The following VBP1 variants were observed in gnomAD, a reference collection of about 807,000 sequenced individuals.
VBP1 encodes prefoldin subunit 3.
In VBP1, 4 loss-of-function variants were observed where a neutral mutation model predicts 15.5. That is an observed-to-expected ratio of 0.26 (90% CI 0.13 to 0.59). The LOEUF (loss-of-function observed/expected upper bound fraction) is 0.59. Among genes scored for constraint, VBP1 ranks in the 20% least tolerant of loss-of-function variants. VBP1 has a pLI of 0.90. For synonymous variants in VBP1, 61 were observed against 52.1 expected, an observed-to-expected ratio of 1.17 and a Z score of -0.74; for missense variants, 108 against 139.6, an observed-to-expected ratio of 0.77 and a Z score of 1.14.
chrX:155,211,447 C>A (rs1375809321), intron 2 of VBP1, among the ~76,000 whole-genome samples: 1 of 111,596 alleles, frequency 9.0e-6, no homozygotes, highest in Admixed American at 9.5e-5. Flanking sequence ...AGTGTGAGGC[C>A]CAGAGAAGCA....
chrX:155,233,991 T>C (rs782387683), intron 4 of VBP1, among the ~76,000 whole-genome samples: 70 of 110,696 alleles, frequency 6.3e-4, no homozygotes, highest in Admixed American at 1.6e-3. Context: ...AGGATATAGC[T>C]AACCTGCATA....
chrX:155,202,109 GA>G (rs2074606835), intron 1 of VBP1, among the ~76,000 whole-genome samples: 1 of 111,688 alleles, frequency 9.0e-6, no homozygotes, highest in African/African-American at 3.3e-5. Context: ...TGAAATAAAA[GA>G]GGATACAAAG....
Position 155,216,513 on chromosome X carries a change from G to A in VBP1, c.31G>A (p.Gly11Arg). The A allele has an allele frequency of 1.5e-5, 17 of 1,171,494 alleles. No homozygotes were observed. Among genetic ancestry groups the A allele is most frequent in the Non-Finnish European group, 1.9e-5 (17 of 874,502 alleles). MAAVKDSCGK[G>R]EMATGNGRRL... ...GGCCGTTAAGGACAGTTGTGGCAAA[G>A]GAGAAATGGCCACAGGGAATGGGCG... Residue 11 changes from glycine (G) to arginine (R), a missense_variant, in exon 1 of 6, where the codon GGA (glycine) becomes AGA (arginine). Gly to Arg is a moderately radical substitution (Grantham distance 125, BLOSUM62 -2). Coordinates refer to ENST00000286428, the MANE Select transcript of VBP1 (RefSeq NM_003372.7).
At chrX:155,204,892 C>T (rs1343354412) in intron 1 of VBP1, among the ~76,000 whole-genome samples, 3 of 111,454 alleles carry the variant, frequency 2.7e-5, no homozygotes, top group African/African-American at 9.8e-5. Flanking sequence ...TTTTATTTGC[C>T]ATTTTGCTGT....
At chrX:155,211,147 T>C (rs1194272733) in intron 2 of VBP1, among the ~76,000 whole-genome samples, 1 of 112,003 alleles carries the variant, frequency 8.9e-6, no homozygotes, top group African/African-American at 3.2e-5. Context: ...AGGTCTTCCA[T>C]GCAAGATGGA....
intron 1 of VBP1, among the ~76,000 whole-genome samples, chrX:155,217,804 A>G (rs148550598): frequency 9.0e-6 from 1 of 111,355 alleles, no homozygotes; most frequent in East Asian, 2.8e-4. Context: ...GGGGCACTTG[A>G]GTAACTTGCC....
chrX:155,210,716 T>C (rs2074641924), intron 2 of VBP1, among the ~76,000 whole-genome samples: 1 of 112,034 alleles, frequency 8.9e-6, no homozygotes, highest in Non-Finnish European at 1.9e-5. Flanking sequence ...GCTGATGGCA[T>C]CATTTTGCTG....
At chrX:155,226,234 G>A (rs1405478620) in intron 2 of VBP1, among the ~76,000 whole-genome samples, 1 of 111,550 alleles carries the variant, frequency 9.0e-6, no homozygotes, top group African/African-American at 3.3e-5. Flanking sequence ...AAACCCCAGT[G>A]ACAAAAACGG....
chrX:155,236,466 C>T, intron 5 of VBP1, 99 bp downstream of exon 5: 3 of 961,109 alleles, frequency 3.1e-6, no homozygotes, highest in Non-Finnish European at 4.2e-6. Flanking sequence ...GGAAAAATAG[C>T]TGATGCATGC....
chrX:155,237,289 C>G (rs2074778386), intron 5 of VBP1, among the ~76,000 whole-genome samples: 1 of 110,756 alleles, frequency 9.0e-6, no homozygotes, highest in Non-Finnish European at 1.9e-5. Flanking sequence ...TTCCTCACTA[C>G]CAATAATAAA....
upstream of VBP1, chrX:155,216,229 A>C: frequency 2.0e-6 from 1 of 498,600 alleles, no homozygotes; most frequent in East Asian, 4.3e-5. Flanking sequence ...AGGAGGACGT[A>C]TGGGTTTTTC....
At chrX:155,229,022 C>T (rs1386092604) in intron 4 of VBP1, among the ~76,000 whole-genome samples, 1 of 111,958 alleles carries the variant, frequency 8.9e-6, no homozygotes, top group Non-Finnish European at 1.9e-5. Flanking sequence ...TCTCAGTCCT[C>T]TGACTATCCA....
chrX:155,201,451 T>G (rs2124033923), intron 1 of VBP1, among the ~76,000 whole-genome samples: 1 of 96,315 alleles, frequency 1.0e-5, no homozygotes, highest in African/African-American at 4.1e-5. Context: ...CAAGGCTGGT[T>G]CAATATACAC....
In VBP1 at chrX:155,236,366, C is replaced by T; in HGVS notation, c.522C>T (p.Val174=). The T allele has an allele frequency of 8.4e-7, 1 of 1,193,933 alleles. No individual in the cohort carries two copies. Among genetic ancestry groups the T allele is most frequent in the Non-Finnish European group, 1.1e-6 (1 of 889,099 alleles). ...GAGATCAATTTACTACCACAGAAGTCAGTATCCTTTCTTAAAACAAAAAGC... is the reference window on the plus strand; with the variant it reads ...GAGATCAATTTACTACCACAGAAGTTAGTATCCTTTCTTAAAACAAAAAGC... ...FLRDQFTTTE[V]NMARVYNWDV... is the part of the protein sequence containing the mutation. The change falls in exon 5 of 6, where the codon GTC becomes GTT. Residue 174 remains valine, a splice_region_variant and synonymous_variant. Transcript: ENST00000286428.
In VBP1 at chrX:155,200,607, G is replaced by A. The variant is rs1329109045; in HGVS notation, c.-31+3468G>A. ...CCAGAATCTCTGGGACACATTCAAAGCAGTGTGTAGAGGGAAATTTATAGC... is the reference window on the plus strand; with the variant it reads ...CCAGAATCTCTGGGACACATTCAAAACAGTGTGTAGAGGGAAATTTATAGC... On this transcript the variant is annotated intron_variant, in intron 1 of 6. Transcript: ENST00000535916. 6.5e-5 allele frequency among the ~76,000 whole-genome samples: 7 copies of A among 107,544 alleles called. No homozygotes were observed. The East Asian group carries it at 1.4e-3, about 22-fold the overall frequency. 93.4% of individuals were successfully genotyped at this position (107,544 alleles called of 115,157 possible). A position where few individuals can be genotyped will look rare whatever the true frequency, so the allele number is the denominator to read the frequency against.
At chrX:155,238,114 C>T (rs1244906006) in intron 5 of VBP1, among the ~76,000 whole-genome samples, 1 of 112,064 alleles carries the variant, frequency 8.9e-6, no homozygotes, top group East Asian at 2.8e-4. Flanking sequence ...TGAGGAAATC[C>T]TCTAAGATGA....
intron 2 of VBP1, among the ~76,000 whole-genome samples, chrX:155,209,530 C>T (rs782378839): frequency 8.9e-6 from 1 of 111,799 alleles, no homozygotes; most frequent in Non-Finnish European, 1.9e-5. Context: ...AGATGTATAG[C>T]GGATAGAAGA....
At chrX:155,216,398 G>A, upstream of VBP1, 1 of 1,139,800 alleles carries the variant, frequency 8.8e-7, no homozygotes, top group Non-Finnish European at 1.2e-6. Context: ...GAGATGGAGA[G>A]GCGGGCCTGC....
At chrX:155,226,892 A>G (rs2074722290) in intron 2 of VBP1, among the ~76,000 whole-genome samples, 1 of 111,832 alleles carries the variant, frequency 8.9e-6, no homozygotes, top group Admixed American at 9.4e-5. Flanking sequence ...TTAAATAGCC[A>G]TGGGGTATTT....
Sources: allele counts gnomAD v4.1 joint callset (sites outside exome capture counted in the v4.1 genomes callset), GRCh38; gene constraint gnomAD v4.1.1; transcripts MANE v1.5; gene names NCBI Gene and HGNC (gene_info 2026-07-23, HGNC 2026-07-21).